The following NRXN1 variants were observed in gnomAD, a reference collection of about 807,000 sequenced individuals.
The protein encoded by NRXN1 is neurexin-1.
In NRXN1, 39 loss-of-function variants were observed where a neutral mutation model predicts 150.9. The ratio of observed to expected loss-of-function variants is 0.26; its 90% CI spans 0.20 to 0.34. The LOEUF is 0.34. Ranked by LOEUF, NRXN1 falls within the 10% of genes least tolerant of loss-of-function variation. NRXN1 has a pLI of 1.00. For synonymous variants in NRXN1, 924 were observed against 757.0 expected, an observed-to-expected ratio of 1.22 and a Z score of -3.62; for missense variants, 1,815 against 1,949.9, an observed-to-expected ratio of 0.93 and a Z score of 1.30.
At chr2:51,018,936 A>G (rs897640444) in intron 2 of NRXN1, among the ~76,000 whole-genome samples, 2 of 152,130 alleles carry the variant, frequency 1.3e-5, no homozygotes, top group African/African-American at 4.8e-5. Context: ...AAAGGAAGCA[A>G]ATAAACAAGC....
At chr2:50,895,724 G>A (rs1161900381) in intron 5 of NRXN1, among the ~76,000 whole-genome samples, 2 of 151,880 alleles carry the variant, frequency 1.3e-5, no homozygotes, top group African/African-American at 2.4e-5. Flanking sequence ...GGGATTACAG[G>A]AGTGCGCCAC....
intron 18 of NRXN1, among the ~76,000 whole-genome samples, chr2:50,142,336 G>T (rs1238738375): frequency 6.6e-6 from 1 of 151,718 alleles, no homozygotes; most frequent in Non-Finnish European, 1.5e-5. Context: ...GGTGAAGAGA[G>T]GTAGGACAGG....
intron 2 of NRXN1, among the ~76,000 whole-genome samples, chr2:50,966,006 G>C (rs1285594954): frequency 6.6e-6 from 1 of 151,300 alleles, no homozygotes; most frequent in African/African-American, 2.4e-5. Context: ...ATTCCTTAAA[G>C]TTGCACCTTA....
At chr2:50,425,377 T>C (rs1359020369) in intron 17 of NRXN1, among the ~76,000 whole-genome samples, 1 of 152,204 alleles carries the variant, frequency 6.6e-6, no homozygotes, top group Non-Finnish European at 1.5e-5. Context: ...GTTTCAATTA[T>C]AAACATCCAT....
At chr2:50,068,912 A>G (rs868768781) in intron 19 of NRXN1, among the ~76,000 whole-genome samples, 12 of 152,196 alleles carry the variant, frequency 7.9e-5, no homozygotes, top group Middle Eastern at 3.2e-3. Flanking sequence ...GTGCTTTATC[A>G]AAATCACTGC....
chr2:50,856,205 A>T (rs1333583523), intron 5 of NRXN1, among the ~76,000 whole-genome samples: 1 of 151,988 alleles, frequency 6.6e-6, no homozygotes, highest in South Asian at 2.1e-4. Flanking sequence ...CTTTAGAAGT[A>T]TTGGGCTTCT....
intron 5 of NRXN1, among the ~76,000 whole-genome samples, chr2:50,726,046 C>T (rs1162982292): frequency 6.6e-6 from 1 of 152,072 alleles, no homozygotes; most frequent in Non-Finnish European, 1.5e-5. Flanking sequence ...CTTGGGGTGT[C>T]CTGGGCACAG....
chr2:50,678,062 A>C (rs1423182535), intron 5 of NRXN1, among the ~76,000 whole-genome samples: 2 of 152,160 alleles, frequency 1.3e-5, no homozygotes, highest in Non-Finnish European at 2.9e-5. Flanking sequence ...GGTCTGAGAT[A>C]TTACAAGAAT....
At chr2:50,819,581 G>T (rs996021469) in intron 5 of NRXN1, among the ~76,000 whole-genome samples, 15 of 151,730 alleles carry the variant, frequency 9.9e-5, no homozygotes, top group African/African-American at 3.6e-4. Context: ...AGTCACGCAA[G>T]GTGAAAAAAG....
chr2:50,627,233 G>A (rs1681274045), intron 5 of NRXN1, among the ~76,000 whole-genome samples: 1 of 151,766 alleles, frequency 6.6e-6, no homozygotes, highest in Non-Finnish European at 1.5e-5. Context: ...TTGGGTCTCA[G>A]TCCTTAGAAA....
In NRXN1 at chr2:50,213,234, C is replaced by T. The variant is rs534504988; in HGVS notation, c.3546+23555G>A. 5.9e-5 allele frequency among the ~76,000 whole-genome samples: 9 copies of T among 151,876 alleles called. No homozygotes were observed. The South Asian group carries it at 6.2e-4, about 11-fold the overall frequency. On this transcript the variant is annotated intron_variant, in intron 18 of 22. Coordinates refer to ENST00000401669, the MANE Select transcript of NRXN1 (RefSeq NM_001330078.2). ...ATGAACATTTACAATAAGCTAGGCA[C>T]GGTTTTAGGTGCTGGATATACAGAA...
At chr2:50,070,563 G>A (rs562695572) in intron 19 of NRXN1, among the ~76,000 whole-genome samples, 78 of 151,966 alleles carry the variant, frequency 5.1e-4, no homozygotes, top group African/African-American at 1.7e-3. Context: ...AAGGTCAGGA[G>A]ATCGAGACCA....
chr2:50,612,788 T>C (rs757359363), intron 8 of NRXN1, among the ~76,000 whole-genome samples: 3 of 152,184 alleles, frequency 2.0e-5, no homozygotes, highest in Non-Finnish European at 2.9e-5. Flanking sequence ...CACAGCCATG[T>C]GTTCTGTTGA....
In NRXN1 at chr2:49,922,294, G is replaced by A. The variant is rs372828948; in HGVS notation, c.4217-43C>T. ...AGAACAAACACAAAGTGATCATTGA[G>A]TTCACTGAATACCAGAGAGCTATAT... is the stretch of plus-strand genomic sequence containing the variant. On this transcript the variant is annotated intron_variant, in intron 22 of 22. Coordinates refer to ENST00000401669, the MANE Select transcript of NRXN1 (RefSeq NM_001330078.2). The A allele has an allele frequency of 1.5e-5, 24 of 1,555,644 alleles. No homozygotes were observed. The African/African-American group carries it at 2.8e-4, about 18-fold the overall frequency.
At chr2:50,494,982 G>A (rs2091477630) in intron 15 of NRXN1, among the ~76,000 whole-genome samples, 1 of 149,552 alleles carries the variant, frequency 6.7e-6, no homozygotes, top group Non-Finnish European at 1.5e-5. Context: ...AGTGAGCCGA[G>A]ATCGTGCCAC....
chr2:50,931,765 T>C (rs1687777537), intron 2 of NRXN1, among the ~76,000 whole-genome samples: 1 of 152,106 alleles, frequency 6.6e-6, no homozygotes, highest in Admixed American at 6.6e-5. Flanking sequence ...TTTATGAAAA[T>C]CACTGAAAAT....
intron 18 of NRXN1, among the ~76,000 whole-genome samples, chr2:50,105,923 T>C (rs1397237219): frequency 6.6e-6 from 1 of 151,832 alleles, no homozygotes; most frequent in Non-Finnish European, 1.5e-5. Context: ...ATAATAAAAA[T>C]AATAGGTGGA....
At chr2:50,853,921 T>C (rs933521908) in intron 5 of NRXN1, among the ~76,000 whole-genome samples, 8 of 152,086 alleles carry the variant, frequency 5.3e-5, no homozygotes, top group Admixed American at 1.3e-4. Flanking sequence ...ACATGCTCCA[T>C]AGACTTTTTC....
intron 18 of NRXN1, among the ~76,000 whole-genome samples, chr2:50,167,185 C>T (rs1454270950): frequency 6.6e-6 from 1 of 152,068 alleles, no homozygotes; most frequent in South Asian, 2.1e-4. Flanking sequence ...TAAAAGAAAA[C>T]TACAGAGATA....
Sources: gnomAD v4.1 joint callset for allele counts (sites outside exome capture counted in the v4.1 genomes callset) on GRCh38, gnomAD v4.1.1 for gene constraint, MANE v1.5 for transcripts, NCBI Gene and HGNC (gene_info 2026-07-23, HGNC 2026-07-21) for gene names.